INPP4B: variants seen among roughly 807,000 people sequenced by gnomAD.
INPP4B encodes the protein inositol polyphosphate 4-phosphatase type II.
Under a neutral mutation model 122.5 loss-of-function variants are expected in INPP4B, and 55 were observed. The observed-to-expected ratio is 0.45, with a 90% CI of 0.36 to 0.56. The LOEUF (loss-of-function observed/expected upper bound fraction) is 0.56. Ranked by LOEUF, INPP4B falls within the 20% of genes least tolerant of loss-of-function variation. The pLI is 0.00. For missense variants in INPP4B, 1,000 were observed against 1,097.7 expected (o/e 0.91, Z 1.26); for synonymous variants, 403 against 388.7 (o/e 1.04, Z -0.43).
chr4:142,622,491 A>C (rs1745174852), intron 2 of INPP4B, among the ~76,000 whole-genome samples: 1 of 151,958 alleles, frequency 6.6e-6, no homozygotes, highest in South Asian at 2.1e-4. Context: ...AGAGCAAATA[A>C]AACTTTTTGC....
chr4:142,568,287 C>T (rs1241832700), intron 2 of INPP4B, among the ~76,000 whole-genome samples: 1 of 151,758 alleles, frequency 6.6e-6, no homozygotes, highest in Non-Finnish European at 1.5e-5. Flanking sequence ...TCTGGCCTTA[C>T]TTTGTAAGAC....
chr4:142,742,072 C>T lies in INPP4B; in HGVS notation c.-253-16171G>A, dbSNP rs540905520. ...CAACGATAAAGAGATCTTCTTACAG[C>T]CTGAAATAACAGATTGACTCTTGGT... On this transcript the variant is annotated intron_variant, in intron 1 of 25. Transcript: ENST00000262992. Among the ~76,000 whole-genome samples, 14 of 152,048 alleles carry T rather than the reference C, an allele frequency of 9.2e-5. No individual in the cohort carries two copies. The East Asian group carries it at 2.7e-3, about 29-fold the overall frequency.
At chr4:142,193,046 G>A in intron 15 of INPP4B, 41 bp downstream of exon 15, 1 of 1,204,072 alleles carries the variant, frequency 8.3e-7, no homozygotes, top group Non-Finnish European at 1.2e-6. Context: ...AAGGGGAGAT[G>A]TTATTAATGG....
At chr4:142,397,023 T>C (rs538811715) in intron 7 of INPP4B, among the ~76,000 whole-genome samples, 6 of 152,328 alleles carry the variant, frequency 3.9e-5, no homozygotes, top group Admixed American at 2.6e-4. Flanking sequence ...GCATACGCAA[T>C]TGTCAAACTC....
At chr4:142,031,739 C>T (rs937087359) in intron 25 of INPP4B, among the ~76,000 whole-genome samples, 6 of 152,138 alleles carry the variant, frequency 3.9e-5, no homozygotes, top group African/African-American at 1.4e-4. Context: ...CTAAGAAAAG[C>T]TCCCCTTACA....
intron 2 of INPP4B, among the ~76,000 whole-genome samples, chr4:142,619,172 T>C (rs1267346642): frequency 2.6e-5 from 4 of 151,824 alleles, no homozygotes; most frequent in South Asian, 4.1e-4. Context: ...GAAAACAGTA[T>C]GGAGATTCCT....
At chr4:142,151,154 C>T (rs1268616123) in intron 17 of INPP4B, among the ~76,000 whole-genome samples, 1 of 152,166 alleles carries the variant, frequency 6.6e-6, no homozygotes, top group Admixed American at 6.5e-5. Context: ...AACCTTTATT[C>T]TTTCAAGAGC....
intron 2 of INPP4B, chr4:142,583,688 T>G (rs1468341829): frequency 6.6e-6 from 1 of 152,182 alleles, no homozygotes; most frequent in Non-Finnish European, 1.5e-5. Context: ...TGCACTCATT[T>G]ACTCAATGAA....
intron 20 of INPP4B, 69 bp from the exon 21 acceptor site, chr4:142,122,314 C>T: frequency 1.8e-6 from 2 of 1,095,018 alleles, no homozygotes; most frequent in Non-Finnish European, 2.8e-6. Flanking sequence ...TACTATGCCT[C>T]CCTGCTGGAA....
chr4:142,462,410 T>G, intron 3 of INPP4B, among the ~76,000 whole-genome samples: 1 of 152,276 alleles, frequency 6.6e-6, no homozygotes, highest in Middle Eastern at 3.4e-3. Context: ...GTAATAATAT[T>G]AATTTCTTAA....
intron 16 of INPP4B, among the ~76,000 whole-genome samples, chr4:142,161,374 T>C (rs1299134119): frequency 1.3e-5 from 2 of 151,990 alleles, no homozygotes; most frequent in African/African-American, 4.8e-5. Flanking sequence ...CAGTAATTAC[T>C]TCACTTAGCA....
At chr4:142,300,717 T>C (rs999015646) in intron 9 of INPP4B, among the ~76,000 whole-genome samples, 1 of 152,182 alleles carries the variant, frequency 6.6e-6, no homozygotes, top group African/African-American at 2.4e-5. Context: ...AGTTAAATGT[T>C]TTTCTTTCAT....
intron 1 of INPP4B, among the ~76,000 whole-genome samples, chr4:142,798,121 T>C (rs1476222590): frequency 6.6e-6 from 1 of 151,916 alleles, no homozygotes; most frequent in Non-Finnish European, 1.5e-5. Flanking sequence ...ATGAAATTAC[T>C]GATATTACAA....
chr4:142,075,661 A>G (rs376854523), intron 25 of INPP4B, among the ~76,000 whole-genome samples: 5 of 151,980 alleles, frequency 3.3e-5, no homozygotes, highest in African/African-American at 1.2e-4. Flanking sequence ...GTAGATAGAG[A>G]TGGGGAGAGT....
chr4:142,368,545 G>A (rs963282400), intron 7 of INPP4B, among the ~76,000 whole-genome samples: 2 of 151,982 alleles, frequency 1.3e-5, no homozygotes, highest in African/African-American at 2.4e-5. Flanking sequence ...GAGGCACACC[G>A]AAGCTACAGA....
At chr4:142,689,668 G>C (rs1759875481) in intron 2 of INPP4B, among the ~76,000 whole-genome samples, 1 of 152,124 alleles carries the variant, frequency 6.6e-6, no homozygotes, top group Admixed American at 6.6e-5. Flanking sequence ...CTTGTTATAT[G>C]AAACTTCTTA....
intron 2 of INPP4B, among the ~76,000 whole-genome samples, chr4:142,501,116 C>T (rs1207923035): frequency 6.6e-6 from 1 of 152,142 alleles, no homozygotes; most frequent in African/African-American, 2.4e-5. Flanking sequence ...GCCTAACTTC[C>T]GTAAGCATCA....
At chr4:142,812,137 T>C (rs1779590512) in intron 1 of INPP4B, among the ~76,000 whole-genome samples, 2 of 152,204 alleles carry the variant, frequency 1.3e-5, no homozygotes, top group South Asian at 4.1e-4. Context: ...TAAAGCCTCT[T>C]ACAGTTATTG....
chr4:142,352,056 A>T (rs1782080632), intron 7 of INPP4B, among the ~76,000 whole-genome samples: 1 of 152,002 alleles, frequency 6.6e-6, no homozygotes, highest in Non-Finnish European at 1.5e-5. Context: ...ATAAGTAATG[A>T]ATTTCCTGAT....
Sources: gnomAD v4.1 joint callset for allele counts (sites outside exome capture counted in the v4.1 genomes callset) on GRCh38, gnomAD v4.1.1 for gene constraint, MANE v1.5 for transcripts, NCBI Gene and HGNC (gene_info 2026-07-23, HGNC 2026-07-21) for gene names.